The following PSD3 variants were observed in gnomAD, a reference collection of about 807,000 sequenced individuals.
The protein encoded by PSD3 is PH and SEC7 domain-containing protein 3.
PSD3 carries 49 observed loss-of-function variants against 105.5 expected under a neutral mutation model. That is an observed-to-expected ratio of 0.46 (90% CI 0.37 to 0.59). PSD3 has a LOEUF of 0.59. Among genes scored for constraint, PSD3 ranks in the 20% least tolerant of loss-of-function variants. PSD3 has a pLI of 0.00. For synonymous variants in PSD3, 557 were observed against 457.8 expected (o/e 1.22, Z -2.77); for missense variants, 1,561 against 1,263.8 (o/e 1.24, Z -3.57).
chr8:18,718,814 G>A (rs191232179), intron 9 of PSD3, among the ~76,000 whole-genome samples: 14 of 152,140 alleles, frequency 9.2e-5, no homozygotes, highest in Non-Finnish European at 4.4e-5. Flanking sequence ...AAAGTCGTTT[G>A]GTGCAAAAAA....
chr8:18,568,607 C>T lies in PSD3; in HGVS notation c.2784+3921G>A, dbSNP rs142412049. On this transcript the variant is annotated intron_variant, in intron 14 of 15. Transcript: ENST00000327040. ...CAAGGTCTCTCAAGCACTTTCACTA[C>T]GATCCATTTCTTCTGCAGCTACCTT... 8.2e-3 allele frequency among the ~76,000 whole-genome samples: 1,243 copies of T among 152,278 alleles called. 8 individuals carry two copies. Among genetic ancestry groups the T allele is most frequent in the Admixed American group, 0.016 (238 of 15,300 alleles).
chr8:18,596,547 C>A (rs975754437), intron 12 of PSD3, among the ~76,000 whole-genome samples: 2 of 151,734 alleles, frequency 1.3e-5, no homozygotes, highest in Admixed American at 6.6e-5. Flanking sequence ...CTAAAAATTT[C>A]TTTTCAAAAG....
At chr8:18,807,941 T>C (rs1026868936) in intron 4 of PSD3, among the ~76,000 whole-genome samples, 4 of 152,158 alleles carry the variant, frequency 2.6e-5, no homozygotes, top group South Asian at 2.1e-4. Context: ...CTCCTGTCTA[T>C]GATGTAAACA....
intron 1 of PSD3, among the ~76,000 whole-genome samples, chr8:18,973,135 A>T (rs907778248): frequency 6.6e-6 from 1 of 152,194 alleles, no homozygotes; most frequent in Non-Finnish European, 1.5e-5. Flanking sequence ...TGCTTGGACC[A>T]TCTGGGGGTT....
chr8:18,904,376 A>G (rs112358983), intron 2 of PSD3, among the ~76,000 whole-genome samples: 1,676 of 152,318 alleles, frequency 0.011, 36 homozygotes, highest in African/African-American at 0.039. Flanking sequence ...ACTCCAACCC[A>G]GGCTGTGCCC....
At chr8:18,913,994 C>A (rs539355756) in intron 2 of PSD3, among the ~76,000 whole-genome samples, 1 of 152,192 alleles carries the variant, frequency 6.6e-6, no homozygotes, top group South Asian at 2.1e-4. Context: ...GACACAAGCT[C>A]CGGGCCCATC....
chr8:19,074,200 C>G (rs901888029), intron 1 of PSD3, among the ~76,000 whole-genome samples: 3 of 152,162 alleles, frequency 2.0e-5, no homozygotes, highest in Non-Finnish European at 4.4e-5. Context: ...TACGGTCTGA[C>G]CAGCAAACAG....
At chr8:18,599,507 T>C (rs532053687) in intron 12 of PSD3, among the ~76,000 whole-genome samples, 4 of 152,256 alleles carry the variant, frequency 2.6e-5, no homozygotes, top group Admixed American at 6.5e-5. Flanking sequence ...GAACGATGAA[T>C]AAAGAATATG....
intron 1 of PSD3, among the ~76,000 whole-genome samples, chr8:18,957,766 C>T (rs1477346740): frequency 6.6e-6 from 1 of 152,180 alleles, no homozygotes; most frequent in Non-Finnish European, 1.5e-5. Context: ...GAAGCCACTG[C>T]TTGCCAAAGC....
chr8:18,955,040 T>C (rs1046490146), intron 1 of PSD3, among the ~76,000 whole-genome samples: 2 of 152,170 alleles, frequency 1.3e-5, no homozygotes, highest in Non-Finnish European at 2.9e-5. Context: ...ACTAGATTAG[T>C]TGTGGCAGTA....
intron 1 of PSD3, among the ~76,000 whole-genome samples, chr8:19,075,465 T>C (rs1829436649): frequency 1.3e-5 from 2 of 152,218 alleles, no homozygotes; most frequent in African/African-American, 2.4e-5. Flanking sequence ...TATGATTACA[T>C]TGTTGCTATA....
At chr8:18,536,942 C>A (rs1326069536) in intron 15 of PSD3, among the ~76,000 whole-genome samples, 1 of 152,204 alleles carries the variant, frequency 6.6e-6, no homozygotes, top group Non-Finnish European at 1.5e-5. Context: ...AAGAACATGT[C>A]AGATATAAAC....
intron 9 of PSD3, among the ~76,000 whole-genome samples, chr8:18,741,781 A>C (rs1307709208): frequency 7.8e-6 from 1 of 128,672 alleles, no homozygotes; most frequent in Non-Finnish European, 1.6e-5. Flanking sequence ...AACACACTGC[A>C]TCTAATTTTA....
At chr8:18,999,486 T>A (rs544804371) in intron 1 of PSD3, among the ~76,000 whole-genome samples, 4 of 151,970 alleles carry the variant, frequency 2.6e-5, no homozygotes, top group African/African-American at 4.8e-5. Flanking sequence ...CTGAATGGAT[T>A]TGTCCTGGTT....
At chr8:18,947,759 C>T (rs1436728690) in intron 1 of PSD3, among the ~76,000 whole-genome samples, 3 of 152,184 alleles carry the variant, frequency 2.0e-5, no homozygotes, top group African/African-American at 7.2e-5. Flanking sequence ...GGAACCGTGC[C>T]TGGCCTGGGC....
chr8:18,578,223 G>C (rs1408197520), intron 12 of PSD3, among the ~76,000 whole-genome samples: 1 of 151,740 alleles, frequency 6.6e-6, no homozygotes, highest in South Asian at 2.1e-4. Context: ...ACTTTTCTTA[G>C]CCATCCATTT....
chr8:18,891,428 C>T (rs1818776019), intron 2 of PSD3, among the ~76,000 whole-genome samples: 1 of 152,144 alleles, frequency 6.6e-6, no homozygotes. Flanking sequence ...TTTGCTACGA[C>T]TACAGTCTCC....
At chr8:18,929,973 C>T (rs900763800) in intron 2 of PSD3, among the ~76,000 whole-genome samples, 1 of 151,960 alleles carries the variant, frequency 6.6e-6, no homozygotes, top group Non-Finnish European at 1.5e-5. Context: ...AGTGGAAGAT[C>T]GTACTTTAAA....
chr8:18,884,188 G>A (rs1818304005), intron 2 of PSD3, among the ~76,000 whole-genome samples: 1 of 149,626 alleles, frequency 6.7e-6, no homozygotes, highest in Non-Finnish European at 1.5e-5. Flanking sequence ...AATATAAAGA[G>A]CAAGCCTTGC....
Sources: allele counts gnomAD v4.1 joint callset (sites outside exome capture counted in the v4.1 genomes callset), GRCh38; gene constraint gnomAD v4.1.1; transcripts MANE v1.5; gene names NCBI Gene and HGNC (gene_info 2026-07-23, HGNC 2026-07-21).